The following CALD1 variants were observed in gnomAD, a reference collection of about 807,000 sequenced individuals.
CALD1 encodes caldesmon.
Under a neutral mutation model 99.9 loss-of-function variants are expected in CALD1, and 33 were observed. That is an observed-to-expected ratio of 0.33 (90% CI 0.25 to 0.44). The LOEUF is 0.44. Ranked by LOEUF, CALD1 falls within the 20% of genes least tolerant of loss-of-function variation. The probability of loss-of-function intolerance (pLI) is 1.00; values close to 1 mark genes in which losing one functional copy is unlikely to be tolerated. For missense variants in CALD1, 861 were observed against 962.1 expected, an observed-to-expected ratio of 0.89 and a Z score of 1.39; for synonymous variants, 310 against 325.0, an observed-to-expected ratio of 0.95 and a Z score of 0.50.
the CALD1 span, among the ~76,000 whole-genome samples, chr7:134,720,539 C>T: frequency 1.3e-5 from 2 of 152,178 alleles, no homozygotes; most frequent in African/African-American, 2.4e-5. Context: ...TAAATGTCTC[C>T]TGTGGCCCCA....
In CALD1 at chr7:134,958,272, G is replaced by A. The variant is rs1206103416; in HGVS notation, c.2043G>A (p.Gln681=). The A allele has an allele frequency of 1.9e-6, 3 of 1,613,796 alleles. No individual in the cohort carries two copies. The highest frequency in any genetic ancestry group is 2.5e-6 in the Non-Finnish European group (3 of 1,179,774). The part of the protein sequence containing the change: ...IVSKIDSRLE[Q]YTSAIEGTKS... ...CCAAGATTGACAGCAGACTGGAGCA[G>A]TATACCAGTGCAATTGAGGTGAGAA... Residue 681 remains glutamine (Q), a synonymous_variant, in exon 11 of 15, where the codon CAG becomes CAA. Coordinates refer to ENST00000361675, the MANE Select transcript of CALD1 (RefSeq NM_033138.4).
At chr7:134,715,170 T>C in the CALD1 span, among the ~76,000 whole-genome samples, 1 of 152,190 alleles carries the variant, frequency 6.6e-6, no homozygotes, top group Admixed American at 6.5e-5. Context: ...GAAATTATAA[T>C]AAATACACAC....
chr7:134,736,699 A>G, the CALD1 span, among the ~76,000 whole-genome samples: 4 of 152,216 alleles, frequency 2.6e-5, no homozygotes, highest in Non-Finnish European at 5.9e-5. Context: ...CATCACAGAG[A>G]GGATGGGCCT....
intron 1 of CALD1, among the ~76,000 whole-genome samples, chr7:134,782,620 A>T (rs1797149741): frequency 6.6e-6 from 1 of 152,202 alleles, no homozygotes; most frequent in South Asian, 2.1e-4. Flanking sequence ...TGTTGAGTGA[A>T]GAACGGACAT....
At chr7:134,762,075 A>G (rs1585901683) in intron 1 of CALD1, among the ~76,000 whole-genome samples, 1 of 152,210 alleles carries the variant, frequency 6.6e-6, no homozygotes, top group East Asian at 1.9e-4. Context: ...CTTGGCCTCC[A>G]AATGCAGGGT....
intron 1 of CALD1, among the ~76,000 whole-genome samples, chr7:134,823,917 C>T (rs1161532090): frequency 4.2e-4 from 64 of 151,998 alleles, no homozygotes; most frequent in Non-Finnish European, 1.8e-4. Flanking sequence ...CTACATAAAC[C>T]AAATATAAAG....
At chr7:134,724,069 A>G in the CALD1 span, among the ~76,000 whole-genome samples, 1 of 152,210 alleles carries the variant, frequency 6.6e-6, no homozygotes, top group East Asian at 1.9e-4. Context: ...CGGCAGCAGG[A>G]GAATCTGTCC....
At chr7:134,882,217 T>C (rs1801638730) in intron 3 of CALD1, among the ~76,000 whole-genome samples, 1 of 152,212 alleles carries the variant, frequency 6.6e-6, no homozygotes, top group Admixed American at 6.5e-5. Flanking sequence ...ACACTCGTTG[T>C]GTCTTCTAAA....
intron 3 of CALD1, among the ~76,000 whole-genome samples, chr7:134,904,453 C>T (rs1006179042): frequency 6.6e-6 from 1 of 151,892 alleles, no homozygotes; most frequent in African/African-American, 2.4e-5. Flanking sequence ...TGGTGGCACA[C>T]ACCTGCAGTC....
chr7:134,852,637 C>T (rs2132228543), intron 2 of CALD1, among the ~76,000 whole-genome samples: 1 of 152,254 alleles, frequency 6.6e-6, no homozygotes, highest in African/African-American at 2.4e-5. Flanking sequence ...CTGGGCTGCT[C>T]CTGCCTCCAG....
intron 1 of CALD1, among the ~76,000 whole-genome samples, chr7:134,749,546 G>A (rs1796666403): frequency 6.6e-6 from 1 of 152,202 alleles, no homozygotes; most frequent in African/African-American, 2.4e-5. Context: ...TTGAACCCAG[G>A]AAGTTGCAGT....
chr7:134,908,598 A>C (rs567024026), intron 3 of CALD1, among the ~76,000 whole-genome samples: 2 of 152,258 alleles, frequency 1.3e-5, no homozygotes, highest in South Asian at 4.1e-4. Context: ...TAATGTCTAG[A>C]TCAGACCTCG....
chr7:134,758,279 T>C (rs535555903), intron 1 of CALD1, among the ~76,000 whole-genome samples: 1 of 152,370 alleles, frequency 6.6e-6, no homozygotes, highest in East Asian at 1.9e-4. Flanking sequence ...TTGAACCATC[T>C]CATTTTAGAA....
intron 3 of CALD1, among the ~76,000 whole-genome samples, chr7:134,903,125 G>C (rs1803113403): frequency 6.6e-6 from 1 of 152,156 alleles, no homozygotes; most frequent in Non-Finnish European, 1.5e-5. Context: ...ACACTATGGA[G>C]ACAGTAAAAA....
At position 134,792,645 on chromosome 7, in the gene CALD1, C is replaced by A. The variant is rs565612886; in HGVS notation, c.-130+12896C>A. Among the ~76,000 whole-genome samples, 4 of 152,138 alleles carry A rather than the reference C, an allele frequency of 2.6e-5. No individual in the cohort carries two copies. In the East Asian group the frequency reaches 7.8e-4, roughly 29 times the overall value. ...TTGGATTAGGGGCCAACTTAATGAC[C>A]TCATTTTAACTTGATTACCTCTGTA... On this transcript the variant is annotated intron_variant, in intron 1 of 14. Coordinates refer to ENST00000361675, the MANE Select transcript of CALD1 (RefSeq NM_033138.4).
At chr7:134,946,926 A>G in intron 7 of CALD1, among the ~76,000 whole-genome samples, 1 of 151,912 alleles carries the variant, frequency 6.6e-6, no homozygotes, top group Non-Finnish European at 1.5e-5. Flanking sequence ...AGCTCAGGCA[A>G]TCCGCCCGCC....
At chr7:134,886,605 A>C (rs1015636435) in intron 3 of CALD1, among the ~76,000 whole-genome samples, 5 of 152,258 alleles carry the variant, frequency 3.3e-5, no homozygotes, top group Non-Finnish European at 1.5e-5. Context: ...TGATATTAAA[A>C]GGATGGAAAA....
chr7:134,711,692 GT>G, the CALD1 span, among the ~76,000 whole-genome samples: 16 of 102,844 alleles, frequency 1.6e-4, 2 homozygotes, highest in South Asian at 5.8e-3. Flanking sequence ...GTGTGTGTGT[GT>G]GTGTGTGTGT....
At chr7:134,717,062 T>C in the CALD1 span, among the ~76,000 whole-genome samples, 1 of 152,240 alleles carries the variant, frequency 6.6e-6, no homozygotes, top group Non-Finnish European at 1.5e-5. Context: ...TTTAGGACGG[T>C]ATATTTTTAC....
Sources: allele counts gnomAD v4.1 joint callset (sites outside exome capture counted in the v4.1 genomes callset), GRCh38; gene constraint gnomAD v4.1.1; transcripts MANE v1.5; gene names NCBI Gene and HGNC (gene_info 2026-07-23, HGNC 2026-07-21).